Variants in PTPRK observed in about 807,000 individuals in gnomAD.
PTPRK encodes the protein protein tyrosine phosphatase receptor type K.
A neutral mutation model predicts 178.0 loss-of-function variants in PTPRK; 75 were observed. The observed-to-expected ratio is 0.42, with a 90% confidence interval of 0.35 to 0.51. The LOEUF (loss-of-function observed/expected upper bound fraction) is 0.51. PTPRK is among the 20% of genes least tolerant of loss of function. The probability of loss-of-function intolerance (pLI) is 0.02; values close to 1 mark genes in which losing one functional copy is unlikely to be tolerated. For synonymous variants in PTPRK, 637 were observed against 620.6 expected, an observed-to-expected ratio of 1.03 and a Z score of -0.39; for missense variants, 1,441 against 1,797.8, an observed-to-expected ratio of 0.80 and a Z score of 3.59.
At chr6:128,335,618 A>T (rs1052788478) in intron 2 of PTPRK, among the ~76,000 whole-genome samples, 1 of 152,172 alleles carries the variant, frequency 6.6e-6, no homozygotes, top group South Asian at 2.1e-4. Context: ...TTTATTTTTC[A>T]TCTCACCAGT....
intron 1 of PTPRK, among the ~76,000 whole-genome samples, chr6:128,462,625 TTTTATTTATTTATTTA>T (rs201968289): frequency 4.3e-4 from 61 of 143,010 alleles, no homozygotes; most frequent in East Asian, 3.1e-3. Context: ...AGTAGGTATA[TTTTATTTATTTATTTA>T]TTTATTTATT....
At chr6:128,202,573 A>C (rs1486008165) in intron 6 of PTPRK, among the ~76,000 whole-genome samples, 1 of 152,136 alleles carries the variant, frequency 6.6e-6, no homozygotes, top group Non-Finnish European at 1.5e-5. Context: ...TTCACAAGTT[A>C]AGACCAACTG....
At position 128,184,404 on chromosome 6, in the gene PTPRK, G is replaced by T; in HGVS notation, c.1162+28C>A. 4 of 1,604,836 alleles carry T rather than the reference G, an allele frequency of 2.5e-6. No individual in the cohort carries two copies. The South Asian group carries it at 4.4e-5, about 18-fold the overall frequency. ...GTCTTATGCTAGATTCCTTCACAAG[G>T]TAGAAAAGGTCTGCTACTCAGTCTT... On this transcript the variant is annotated intron_variant, in intron 7 of 29. Transcript: ENST00000368226.
chr6:128,202,356 T>C (rs1034695271), intron 6 of PTPRK, among the ~76,000 whole-genome samples: 3 of 152,184 alleles, frequency 2.0e-5, no homozygotes, highest in Admixed American at 1.3e-4. Flanking sequence ...GATCCCCTTG[T>C]AAGTTCAGGC....
At chr6:128,172,507 C>T (rs1800418149) in intron 7 of PTPRK, among the ~76,000 whole-genome samples, 1 of 151,714 alleles carries the variant, frequency 6.6e-6, no homozygotes, top group South Asian at 2.1e-4. Flanking sequence ...TAATTATTTT[C>T]GCTCATTACC....
chr6:128,121,307 G>T (rs1010736652), intron 7 of PTPRK, among the ~76,000 whole-genome samples: 1 of 151,976 alleles, frequency 6.6e-6, no homozygotes, highest in African/African-American at 2.4e-5. Context: ...GGGACTGATA[G>T]TCATTTAATA....
intron 2 of PTPRK, among the ~76,000 whole-genome samples, chr6:128,331,751 AC>A (rs1296828941): frequency 2.1e-5 from 2 of 97,304 alleles, no homozygotes; most frequent in Non-Finnish European, 4.2e-5. Flanking sequence ...GAAAAAGTAA[AC>A]TTGTCCCCCA....
At chr6:128,496,938 G>A (rs1854761296) in intron 1 of PTPRK, among the ~76,000 whole-genome samples, 1 of 152,064 alleles carries the variant, frequency 6.6e-6, no homozygotes, top group South Asian at 2.1e-4. Flanking sequence ...AACCAAAGAA[G>A]GCCAAGTTGT....
intron 7 of PTPRK, among the ~76,000 whole-genome samples, chr6:128,116,617 A>G (rs1356225600): frequency 6.6e-6 from 1 of 152,224 alleles, no homozygotes; most frequent in African/African-American, 2.4e-5. Flanking sequence ...CCCTATACCT[A>G]TATCAGCAAT....
chr6:128,031,516 G>C (rs1775329133), intron 13 of PTPRK, among the ~76,000 whole-genome samples: 1 of 152,174 alleles, frequency 6.6e-6, no homozygotes, highest in Admixed American at 6.5e-5. Context: ...TAATTTCAAT[G>C]TCTACATAAA....
intron 17 of PTPRK, 68 bp downstream of exon 17, chr6:127,996,833 T>C: frequency 6.6e-7 from 1 of 1,523,558 alleles, no homozygotes; most frequent in Non-Finnish European, 8.8e-7. Context: ...CTCTGGGATT[T>C]TTCTTAAAGT....
intron 13 of PTPRK, among the ~76,000 whole-genome samples, chr6:128,043,347 G>C (rs1461738572): frequency 6.6e-6 from 1 of 152,036 alleles, no homozygotes; most frequent in Non-Finnish European, 1.5e-5. Flanking sequence ...ACTTTCAACT[G>C]TCTGTACTGC....
chr6:128,414,078 A>G (rs1189681843), intron 1 of PTPRK, among the ~76,000 whole-genome samples: 1 of 152,170 alleles, frequency 6.6e-6, no homozygotes. Context: ...AGAGCAACAA[A>G]TTCCCTGTGA....
intron 7 of PTPRK, among the ~76,000 whole-genome samples, chr6:128,125,575 G>A (rs1049568816): frequency 5.7e-5 from 8 of 141,526 alleles, no homozygotes; most frequent in Non-Finnish European, 1.2e-4. Context: ...TGCAAGAACA[G>A]ACTAATACAC....
At chr6:128,325,315 T>C (rs1425211250) in intron 2 of PTPRK, among the ~76,000 whole-genome samples, 1 of 152,068 alleles carries the variant, frequency 6.6e-6, no homozygotes, top group African/African-American at 2.4e-5. Context: ...AAACCCAAAA[T>C]TGACAAATGG....
At chr6:128,241,948 A>ATT (rs1202951832) in intron 4 of PTPRK, among the ~76,000 whole-genome samples, 6,662 of 126,156 alleles carry the variant, frequency 0.053, 600 homozygotes, top group African/African-American at 0.19. Context: ...CGCCTGGCTA[A>ATT]TTTTTTTTTT....
rs576576378 is a variant in PTPRK, at chr6:128,123,017, G to C, written c.1163-33025C>G. Among the ~76,000 whole-genome samples, 67 of 152,158 alleles carry C rather than the reference G, an allele frequency of 4.4e-4. 1 individual carries two copies. Among genetic ancestry groups the C allele is most frequent in the Non-Finnish European group, 1.5e-4 (10 of 68,022 alleles). On this transcript the variant is annotated intron_variant, in intron 7 of 29. Transcript: ENST00000368226. The stretch of plus-strand genomic sequence containing the variant: ...AGAATGGAACTTTATTTGGAATAAG[G>C]CTCTTTGCAGAGGTAATTAAGGATC...
At chr6:128,491,769 G>C in intron 1 of PTPRK, 1 of 518,376 alleles carries the variant, frequency 1.9e-6, no homozygotes, top group South Asian at 1.4e-5. Flanking sequence ...CCAGGGTTCT[G>C]TGTGCGTGAT....
At chr6:128,304,244 T>G (rs1398544993) in intron 3 of PTPRK, among the ~76,000 whole-genome samples, 1 of 152,138 alleles carries the variant, frequency 6.6e-6, no homozygotes, top group Non-Finnish European at 1.5e-5. Flanking sequence ...AGAAAGTATT[T>G]TAGAATAACT....
Sources: gnomAD v4.1 joint callset for allele counts (sites outside exome capture counted in the v4.1 genomes callset) on GRCh38, gnomAD v4.1.1 for gene constraint, MANE v1.5 for transcripts, NCBI Gene and HGNC (gene_info 2026-07-23, HGNC 2026-07-21) for gene names.